Variants in ZNF583 observed in about 807,000 individuals in gnomAD.
ZNF583 encodes zinc finger protein L3-5.
A neutral mutation model predicts 55.3 loss-of-function variants in ZNF583; 30 were observed. The observed-to-expected ratio is 0.54, with a 90% confidence interval of 0.41 to 0.74. The LOEUF is 0.74. Ranked by LOEUF, ZNF583 falls within the 30% of genes least tolerant of loss-of-function variation. ZNF583 has a pLI of 0.00. For synonymous variants in ZNF583, 208 were observed against 220.0 expected (o/e 0.95, Z 0.48); for missense variants, 504 against 664.7 (o/e 0.76, Z 2.66).
Position 56,425,801 on chromosome 19 carries a change from A to G in ZNF583, c.*1433A>G, listed in dbSNP as rs1473931221. ...ATAAACTGGCCCACAAACATGTTTG[A>G]TTCTGTATGCATTAAGTTTAAAATA... On this transcript the variant is annotated 3_prime_UTR_variant, in exon 5 of 5. Transcript: ENST00000333201. 1.3e-5 allele frequency: 2 copies of G among 152,184 alleles called. No homozygotes were observed. Among genetic ancestry groups the G allele is most frequent in the Non-Finnish European group, 2.9e-5 (2 of 68,016 alleles). The allele number at this position is 152,184 out of a possible 1,614,324, so 9.4% of individuals were successfully genotyped here.
intron 4 of ZNF583, chr19:56,421,533 G>C (rs1253207469): frequency 3.1e-6 from 3 of 981,328 alleles, no homozygotes; most frequent in African/African-American, 1.8e-5. Context: ...TAAGTATGTT[G>C]CCTTCAGATT....
At chr19:56,422,157 G>A (rs533001319) in intron 4 of ZNF583, among the ~76,000 whole-genome samples, 17 of 152,212 alleles carry the variant, frequency 1.1e-4, no homozygotes, top group African/African-American at 3.9e-4. Context: ...ATAAACCAAG[G>A]TAGGAATTTT....
At chr19:56,413,583 C>T (rs539726666) in intron 2 of ZNF583, among the ~76,000 whole-genome samples, 13 of 152,268 alleles carry the variant, frequency 8.5e-5, no homozygotes, top group East Asian at 1.9e-4. Context: ...GTTTCCTCCT[C>T]GAAGCTCTTT....
At chr19:56,405,678 G>A (rs1484313828) in intron 1 of ZNF583, among the ~76,000 whole-genome samples, 1 of 152,152 alleles carries the variant, frequency 6.6e-6, no homozygotes, top group East Asian at 1.9e-4. Flanking sequence ...GTCTCTGGGG[G>A]CACGTGAGGA....
At chr19:56,418,819 G>T (rs1301033945) in intron 4 of ZNF583, among the ~76,000 whole-genome samples, 1 of 152,108 alleles carries the variant, frequency 6.6e-6, no homozygotes, top group Non-Finnish European at 1.5e-5. Context: ...AAATGTACTT[G>T]TGCTGTTTCA....
chr19:56,408,951 T>C (rs1407998392), intron 2 of ZNF583, among the ~76,000 whole-genome samples: 1 of 152,172 alleles, frequency 6.6e-6, no homozygotes, highest in Admixed American at 6.5e-5. Context: ...TACTGTGCTT[T>C]TTCTTGTCTC....
chr19:56,407,055 C>A lies in ZNF583; in HGVS notation c.-60C>A. ...ACTTTCTCAGGATACTGTCCCTCTC[C>A]CACAGAGGAGCTGAAGGAGTAGGAC... On this transcript the variant is annotated 5_prime_UTR_variant, in exon 2 of 5. Coordinates refer to ENST00000333201, the MANE Select transcript of ZNF583 (RefSeq NM_152478.3). 2 of 1,607,546 alleles carry A rather than the reference C, an allele frequency of 1.2e-6. No homozygotes were observed. Among genetic ancestry groups the A allele is most frequent in the South Asian group, 2.2e-5 (2 of 90,524 alleles).
Position 56,423,678 on chromosome 19 carries a change from T to C in ZNF583, c.1020T>C (p.Ala340=). The change falls in exon 5 of 5, where the codon GCT becomes GCC. Residue 340 remains alanine, a synonymous_variant. Coordinates refer to ENST00000333201, the MANE Select transcript of ZNF583 (RefSeq NM_152478.3). Reference sequence around the variant, plus strand: ...CCTTTAGTAATGGTTCATTTCTTGCTCAGCATCAGAGAATTCATACAGGAG... The same window carrying C: ...CCTTTAGTAATGGTTCATTTCTTGCCCAGCATCAGAGAATTCATACAGGAG... ...GKAFSNGSFL[A]QHQRIHTGEK... 1 of 1,614,006 alleles carries C rather than the reference T, an allele frequency of 6.2e-7. No individual in the cohort carries two copies. The highest frequency in any genetic ancestry group is 1.3e-5 in the African/African-American group (1 of 74,992).
chr19:56,411,259 C>G (rs986185796), intron 2 of ZNF583, among the ~76,000 whole-genome samples: 1 of 152,020 alleles, frequency 6.6e-6, no homozygotes, highest in African/African-American at 2.4e-5. Context: ...ACACTGTACT[C>G]CAGCCTTGGC....
In ZNF583 at chr19:56,423,969, A is replaced by G. The variant is rs2147617608; in HGVS notation, c.1311A>G (p.Glu437=). Residue 437 remains glutamate, a synonymous_variant, in exon 5 of 5, where the codon GAA becomes GAG. Transcript: ENST00000333201. The part of the protein sequence containing the change: ...QRVHTGEKPY[E]CIECGKAFSN... ...TTCATACTGGAGAGAAACCCTATGA[A>G]TGTATTGAATGTGGGAAGGCCTTTA... 3.1e-6 allele frequency: 5 copies of G among 1,614,082 alleles called. No homozygotes were observed. The South Asian group carries it at 5.5e-5, about 18-fold the overall frequency.
In ZNF583 at chr19:56,416,067, C is replaced by G. The variant is rs553258834; in HGVS notation, c.232+1627C>G. 1.2e-4 allele frequency among the ~76,000 whole-genome samples: 18 copies of G among 151,794 alleles called. No individual in the cohort carries two copies. In the South Asian group the frequency reaches 2.3e-3, roughly 19 times the overall value. On this transcript the variant is annotated intron_variant, in intron 4 of 4. Transcript: ENST00000333201. ...TATTGGTCGGGCGTGGTGGCTTACA[C>G]CTGTAATCCCAGCACTTTGGGAGGC...
rs2042492677 is a variant in ZNF583, at chr19:56,426,419, CAA to C, written c.*2052_*2053del. The stretch of plus-strand genomic sequence containing the variant: ...CAGAAGCCTCCCCACCTCCTGTCAA[CAA>C]GTCATAGATTTGACTGTATAAGAAC... On this transcript the variant is annotated 3_prime_UTR_variant, in exon 5 of 5. Transcript: ENST00000333201. 1 of 152,104 alleles carries C rather than the reference CAA, an allele frequency of 6.6e-6. No individual in the cohort carries two copies. Among genetic ancestry groups the C allele is most frequent in the South Asian group, 2.1e-4 (1 of 4,824 alleles). The allele number at this position is 152,104 out of a possible 1,614,324, so 9.4% of individuals were successfully genotyped here.
chr19:56,414,559 G>T, intron 4 of ZNF583, 119 bp downstream of exon 4: 1 of 850,282 alleles, frequency 1.2e-6, no homozygotes, highest in Non-Finnish European at 1.8e-6. Flanking sequence ...CTCAAAGCCT[G>T]GGAAGAAATA....
chr19:56,421,391 T>A, intron 4 of ZNF583: 1 of 838,376 alleles, frequency 1.2e-6, no homozygotes, highest in Admixed American at 6.2e-5. Context: ...TTTTGACCCA[T>A]CAGTCTTCAG....
intron 4 of ZNF583, among the ~76,000 whole-genome samples, chr19:56,415,958 C>T (rs747978199): frequency 6.6e-6 from 1 of 152,134 alleles, no homozygotes; most frequent in Non-Finnish European, 1.5e-5. Context: ...GCAAAATAAT[C>T]TACAATTAGT....
chr19:56,413,909 T>C, intron 2 of ZNF583, 50 bp from the exon 3 acceptor site: 1 of 1,610,164 alleles, frequency 6.2e-7, no homozygotes, highest in Middle Eastern at 1.7e-4. Context: ...CTTAGGCTCA[T>C]GTGAGGATAT....
rs1345432817 is a variant in ZNF583 at position 56,426,845 on chromosome 19, A to G, written c.*2477A>G. 2 of 152,098 alleles carry G rather than the reference A, an allele frequency of 1.3e-5. No individual in the cohort carries two copies. Among genetic ancestry groups the G allele is most frequent in the Admixed American group, 6.6e-5 (1 of 15,260 alleles). The allele number at this position is 152,098 out of a possible 1,614,324, so 9.4% of individuals were successfully genotyped here. A position where few individuals can be genotyped will look rare whatever the true frequency, so the allele number is the denominator to read the frequency against. ...GTCAACTTCAGAATTTTAATTGGGA[A>G]AAGTAGAATTTTATTTTGAAGTTCA... On this transcript the variant is annotated 3_prime_UTR_variant, in exon 5 of 5. Coordinates refer to ENST00000333201, the MANE Select transcript of ZNF583 (RefSeq NM_152478.3).
At chr19:56,407,166 T>C (rs1430769733) in intron 2 of ZNF583, 43 bp downstream of exon 2, 1 of 1,610,474 alleles carries the variant, frequency 6.2e-7, no homozygotes. Flanking sequence ...TGCCATCTTA[T>C]TTTTTAGGTT....
chr19:56,424,582 T>A lies in ZNF583; in HGVS notation c.*214T>A, dbSNP rs909012884. 5 of 480,484 alleles carry A rather than the reference T, an allele frequency of 1.0e-5. No individual in the cohort carries two copies. The highest frequency in any genetic ancestry group is 9.8e-5 in the African/African-American group (5 of 51,154). 29.8% of individuals were successfully genotyped at this position (480,484 alleles called of 1,614,324 possible). A position where few individuals can be genotyped will look rare whatever the true frequency, so the allele number is the denominator to read the frequency against. On this transcript the variant is annotated 3_prime_UTR_variant, in exon 5 of 5. Transcript: ENST00000333201. Reference sequence around the variant, plus strand: ...CCCTCATTAAAATCCCTCAGTGGCATCCCATGGTTTTTAAGTTAAAGCACA... The same window carrying A: ...CCCTCATTAAAATCCCTCAGTGGCAACCCATGGTTTTTAAGTTAAAGCACA...
Sources: allele counts gnomAD v4.1 joint callset (sites outside exome capture counted in the v4.1 genomes callset), GRCh38; gene constraint gnomAD v4.1.1; transcripts MANE v1.5; gene names NCBI Gene and HGNC (gene_info 2026-07-23, HGNC 2026-07-21).